WDFY2: variants seen among roughly 807,000 people sequenced by gnomAD.
The protein encoded by WDFY2 is WD repeat and FYVE domain containing 2.
A neutral mutation model predicts 56.4 loss-of-function variants in WDFY2; 36 were observed. The observed-to-expected ratio is 0.64, with a 90% CI of 0.49 to 0.84. WDFY2 has a LOEUF of 0.84. Among genes scored for constraint, WDFY2 ranks in the 40% least tolerant of loss-of-function variants. WDFY2 has a pLI of 0.00. For missense variants in WDFY2, 444 were observed against 512.2 expected, an observed-to-expected ratio of 0.87 and a Z score of 1.29; for synonymous variants, 176 against 183.7, an observed-to-expected ratio of 0.96 and a Z score of 0.34.
chr13:51,695,592 A>G (rs1281207214), intron 3 of WDFY2, among the ~76,000 whole-genome samples: 42 of 152,060 alleles, frequency 2.8e-4, no homozygotes, highest in Admixed American at 2.5e-3. Context: ...GTCTGCCCCT[A>G]CTGGGGGGTG....
Position 51,767,668 on chromosome 13 carries a change from C to T in WDFY2, c.*7899C>T, listed in dbSNP as rs1393563809. The T allele has an allele frequency of 1.9e-5, 3 of 153,966 alleles. No homozygotes were observed. 9.5% of individuals were successfully genotyped at this position (153,966 alleles called of 1,614,324 possible). On this transcript the variant is annotated 3_prime_UTR_variant, in exon 12 of 12. Transcript: ENST00000298125. ...TACTGAAGCCACTCCTAATCTTAAG[C>T]AAATGTAAACTAGGCCTCATTAAAT... is the stretch of plus-strand genomic sequence containing the variant.
At chr13:51,620,284 CT>C (rs1353156478) in intron 1 of WDFY2, among the ~76,000 whole-genome samples, 3 of 152,134 alleles carry the variant, frequency 2.0e-5, no homozygotes, top group Non-Finnish European at 2.9e-5. Flanking sequence ...ACCTCAGGTC[CT>C]TTTTGGCTCT....
intron 1 of WDFY2, among the ~76,000 whole-genome samples, chr13:51,652,039 A>G (rs758548595): frequency 3.3e-5 from 5 of 152,212 alleles, no homozygotes; most frequent in African/African-American, 7.2e-5. Flanking sequence ...GTGGGAGTCT[A>G]CATCTCTCTG....
At chr13:51,733,575 C>CAGTA (rs1952770728) in intron 6 of WDFY2, among the ~76,000 whole-genome samples, 1 of 152,232 alleles carries the variant, frequency 6.6e-6, no homozygotes, top group Middle Eastern at 3.4e-3. Flanking sequence ...ACTGTGGCAG[C>CAGTA]AGTAGGTGGT....
In WDFY2 at chr13:51,754,047, C is replaced by T. The variant is rs534070260; in HGVS notation, c.832-1311C>T. ...GGCGGAGGTTGCAGTGAGCCAAGATCGCACCACTGCACTCCAGCCTGGGCA... is the reference window on the plus strand; with the variant it reads ...GGCGGAGGTTGCAGTGAGCCAAGATTGCACCACTGCACTCCAGCCTGGGCA... On this transcript the variant is annotated intron_variant, in intron 8 of 11. Transcript: ENST00000298125. 1.5e-4 allele frequency among the ~76,000 whole-genome samples: 22 copies of T among 149,122 alleles called. 1 individual carries two copies. The South Asian group carries it at 2.5e-3, about 17-fold the overall frequency.
At chr13:51,694,994 T>G (rs1439720185) in intron 3 of WDFY2, among the ~76,000 whole-genome samples, 3 of 152,238 alleles carry the variant, frequency 2.0e-5, no homozygotes, top group Non-Finnish European at 2.9e-5. Flanking sequence ...GGCTTCTGCA[T>G]TCTTCACGTA....
chr13:51,615,508 G>A (rs1300099028), intron 1 of WDFY2, among the ~76,000 whole-genome samples: 2 of 152,164 alleles, frequency 1.3e-5, no homozygotes, highest in Non-Finnish European at 2.9e-5. Context: ...AGTACCTGTC[G>A]ATGTGAAATA....
At chr13:51,723,415 G>A (rs924562258) in intron 5 of WDFY2, among the ~76,000 whole-genome samples, 36 of 151,962 alleles carry the variant, frequency 2.4e-4, no homozygotes, top group African/African-American at 8.7e-4. Context: ...CATTGCATGT[G>A]GTTGTCACGT....
intron 2 of WDFY2, among the ~76,000 whole-genome samples, chr13:51,668,549 A>G (rs1955753143): frequency 6.6e-6 from 1 of 152,238 alleles, no homozygotes; most frequent in Non-Finnish European, 1.5e-5. Context: ...TGCAAATCTA[A>G]TAAATATTAT....
chr13:51,695,346 A>G (rs1248193349), intron 3 of WDFY2, among the ~76,000 whole-genome samples: 1 of 152,140 alleles, frequency 6.6e-6, no homozygotes, highest in African/African-American at 2.4e-5. Flanking sequence ...ATGGTGATGT[A>G]CAGATGGGTT....
At chr13:51,746,063 A>G (rs1217119130) in intron 7 of WDFY2, among the ~76,000 whole-genome samples, 2 of 136,202 alleles carry the variant, frequency 1.5e-5, no homozygotes, top group Non-Finnish European at 3.0e-5. Context: ...TGCAATCTCC[A>G]CCTCCAGGTT....
chr13:51,612,779 G>C (rs1355898039), intron 1 of WDFY2, among the ~76,000 whole-genome samples: 2 of 152,134 alleles, frequency 1.3e-5, no homozygotes, highest in Non-Finnish European at 2.9e-5. Context: ...TTTCTTCTCT[G>C]TTTTCTACTC....
In WDFY2 at chr13:51,766,785, G is replaced by GA. The variant is rs1302129607; in HGVS notation, c.*7020dup. The GA allele has an allele frequency of 3.3e-5, 5 of 152,234 alleles. No homozygotes were observed. The highest frequency in any genetic ancestry group is 1.2e-4 in the African/African-American group (5 of 41,456). The allele number at this position is 152,234 out of a possible 1,614,324, so 9.4% of individuals were successfully genotyped here. A position where few individuals can be genotyped will look rare whatever the true frequency, so the allele number is the denominator to read the frequency against. ...GCCACGGTTTAAAATAAATCTCTGT[G>GA]AAAACCTTTCTGCAGCTATGGTCCC... On this transcript the variant is annotated 3_prime_UTR_variant, in exon 12 of 12. Transcript: ENST00000298125.
rs570013478 is a variant in WDFY2, at chr13:51,739,772, G to A, written c.725+597G>A. The stretch of plus-strand genomic sequence containing the variant: ...GGTACAGAGAATCTCTGAGATGTCC[G>A]GTCCCTGTCTGCTAAGATTCTGGTT... On this transcript the variant is annotated intron_variant, in intron 7 of 11. Coordinates refer to ENST00000298125, the MANE Select transcript of WDFY2 (RefSeq NM_052950.4). 1.8e-4 allele frequency among the ~76,000 whole-genome samples: 28 copies of A among 152,234 alleles called. 1 individual carries two copies. The South Asian group carries it at 5.2e-3, about 28-fold the overall frequency.
At chr13:51,650,426 C>T (rs1040791522) in intron 1 of WDFY2, among the ~76,000 whole-genome samples, 4 of 152,186 alleles carry the variant, frequency 2.6e-5, no homozygotes, top group Non-Finnish European at 5.9e-5. Context: ...TGCCCGATTG[C>T]CCTGGCCAGA....
intron 4 of WDFY2, among the ~76,000 whole-genome samples, chr13:51,716,214 A>G (rs1432998011): frequency 2.6e-5 from 4 of 152,164 alleles, no homozygotes; most frequent in African/African-American, 9.7e-5. Flanking sequence ...TTTTCCGAGG[A>G]TGAGGGAAGT....
chr13:51,708,714 A>G (rs1952144080), intron 4 of WDFY2, among the ~76,000 whole-genome samples: 1 of 152,224 alleles, frequency 6.6e-6, no homozygotes, highest in Non-Finnish European at 1.5e-5. Flanking sequence ...AGGCAATTAA[A>G]AGGCAGTTAG....
At chr13:51,603,283 T>G (rs1954321934) in intron 1 of WDFY2, among the ~76,000 whole-genome samples, 1 of 152,232 alleles carries the variant, frequency 6.6e-6, no homozygotes, top group African/African-American at 2.4e-5. Context: ...ACTAACGTTT[T>G]TCTTCCAGAA....
At chr13:51,673,815 T>C (rs1955842908) in intron 2 of WDFY2, among the ~76,000 whole-genome samples, 1 of 152,226 alleles carries the variant, frequency 6.6e-6, no homozygotes, top group Admixed American at 6.5e-5. Context: ...AATCTGGTTT[T>C]ATTTTGTAGC....
Sources: gnomAD v4.1 joint callset for allele counts (sites outside exome capture counted in the v4.1 genomes callset) on GRCh38, gnomAD v4.1.1 for gene constraint, MANE v1.5 for transcripts, NCBI Gene and HGNC (gene_info 2026-07-23, HGNC 2026-07-21) for gene names.